The following CORIN variants were observed in gnomAD, a reference collection of about 807,000 sequenced individuals.
CORIN encodes the protein atrial natriuretic peptide-converting enzyme.
In CORIN, 117 loss-of-function variants were observed where a neutral mutation model predicts 125.3. The observed-to-expected ratio is 0.93, with a 90% CI of 0.80 to 1.09. The LOEUF is 1.09. Among genes scored for constraint, CORIN ranks in the 50% least tolerant of loss-of-function variants. The pLI is 0.00. For missense variants in CORIN, 1,253 were observed against 1,306.7 expected, an observed-to-expected ratio of 0.96 and a Z score of 0.63; for synonymous variants, 450 against 466.4, an observed-to-expected ratio of 0.96 and a Z score of 0.45.
chr4:47,809,606 C>G (rs1731970748), intron 1 of CORIN, among the ~76,000 whole-genome samples: 1 of 151,954 alleles, frequency 6.6e-6, no homozygotes. Flanking sequence ...CAGAGTTTCA[C>G]TATGTTGGCC....
chr4:47,750,134 T>G (rs1457655549), intron 4 of CORIN, among the ~76,000 whole-genome samples: 1 of 152,182 alleles, frequency 6.6e-6, no homozygotes, highest in Non-Finnish European at 1.5e-5. Flanking sequence ...GTTCTCCCTA[T>G]GATAAGCGAA....
intron 16 of CORIN, among the ~76,000 whole-genome samples, chr4:47,628,437 C>CGTGTGTGTGTGTGTGTGTGT (rs35452886): frequency 6.8e-6 from 1 of 147,388 alleles, no homozygotes; most frequent in Non-Finnish European, 1.5e-5. Flanking sequence ...CACATAGTTA[C>CGTGTGTGTGTGTGTGTGTGT]GTGTGTGTGT....
At chr4:47,600,528 G>C (rs781636011) in intron 20 of CORIN, among the ~76,000 whole-genome samples, 181 bp from the exon 21 acceptor site, 2 of 152,124 alleles carry the variant, frequency 1.3e-5, no homozygotes, top group Non-Finnish European at 2.9e-5. Flanking sequence ...GAATTTTCTA[G>C]TTAGAAGCAT....
At position 47,624,588 on chromosome 4, in the gene CORIN, A is replaced by T. The variant is rs1577749788; in HGVS notation, c.2316-640T>A. ...AATTTGCTTCATATAACTTTAGACG[A>T]CATGATCAGAACTAGTAGGTGCAAT... On this transcript the variant is annotated intron_variant, in intron 17 of 21. Transcript: ENST00000273857. 1.3e-5 allele frequency among the ~76,000 whole-genome samples: 2 copies of T among 152,210 alleles called. 1 individual carries two copies. The highest frequency in any genetic ancestry group is 4.1e-4 in the South Asian group (2 of 4,832).
At chr4:47,835,923 C>A (rs1331752322) in intron 1 of CORIN, among the ~76,000 whole-genome samples, 1 of 152,100 alleles carries the variant, frequency 6.6e-6, no homozygotes, top group Non-Finnish European at 1.5e-5. Flanking sequence ...GTCTTTTTAA[C>A]CCACAGGAAG....
intron 21 of CORIN, among the ~76,000 whole-genome samples, chr4:47,598,685 A>G (rs1312359445): frequency 1.3e-5 from 2 of 152,198 alleles, no homozygotes; most frequent in African/African-American, 2.4e-5. Flanking sequence ...TCCTCAGTCT[A>G]CCACCTTCAT....
intron 3 of CORIN, among the ~76,000 whole-genome samples, chr4:47,781,755 T>C (rs1285178831): frequency 1.3e-5 from 2 of 151,830 alleles, no homozygotes; most frequent in East Asian, 1.9e-4. Flanking sequence ...CTAGCCAACA[T>C]GGTGAAACCG....
Position 47,603,646 on chromosome 4 carries a change from T to C in CORIN, c.2563A>G (p.Lys855Glu). The change falls in exon 20 of 22, where the codon AAA becomes GAA. Residue 855 changes from lysine to glutamate, a missense_variant. Coordinates refer to ENST00000273857, the MANE Select transcript of CORIN (RefSeq NM_006587.4). ...AGATTGTTGATGCCAAGCACCACTTTCCAAACTGCAGCATTCTCTCTCCTA... is the reference window on the plus strand; with the variant it reads ...AGATTGTTGATGCCAAGCACCACTTCCCAAACTGCAGCATTCTCTCTCCTA... Reference protein sequence around the residue: ...FEGRENAAVWKVVLGINNLDH... With the variant: ...FEGRENAAVWEVVLGINNLDH... 7 of 1,613,860 alleles carry C rather than the reference T, an allele frequency of 4.3e-6. No homozygotes were observed. The highest frequency in any genetic ancestry group is 5.9e-6 in the Non-Finnish European group (7 of 1,179,728).
intron 3 of CORIN, among the ~76,000 whole-genome samples, chr4:47,767,424 G>T (rs1445771403): frequency 6.6e-6 from 1 of 151,956 alleles, no homozygotes; most frequent in Non-Finnish European, 1.5e-5. Flanking sequence ...TGAAAACTGA[G>T]AAAGCTGGTA....
At chr4:47,676,717 A>C (rs900845151) in intron 9 of CORIN, among the ~76,000 whole-genome samples, 1 of 152,224 alleles carries the variant, frequency 6.6e-6, no homozygotes, top group Admixed American at 6.5e-5. Context: ...CTGTTTTATC[A>C]TATGACTTTC....
intron 5 of CORIN, among the ~76,000 whole-genome samples, chr4:47,702,109 T>C (rs1333314689): frequency 1.3e-5 from 2 of 152,156 alleles, no homozygotes; most frequent in Non-Finnish European, 2.9e-5. Flanking sequence ...AATAAACACT[T>C]AGTTTCTTTA....
At chr4:47,810,318 A>T (rs1435234140) in intron 1 of CORIN, among the ~76,000 whole-genome samples, 4 of 151,828 alleles carry the variant, frequency 2.6e-5, no homozygotes, top group African/African-American at 9.7e-5. Context: ...CTTCTGAGTG[A>T]CTGGGACAAC....
At chr4:47,681,487 C>T (rs17601404) in intron 7 of CORIN, 19,117 of 152,160 alleles carry the variant, frequency 0.13, 1,346 homozygotes, top group East Asian at 0.21. Context: ...TGCATGCTGG[C>T]CCTCTCCACT....
At chr4:47,738,929 A>C (rs1324605360) in intron 5 of CORIN, among the ~76,000 whole-genome samples, 1 of 151,928 alleles carries the variant, frequency 6.6e-6, no homozygotes, top group East Asian at 1.9e-4. Context: ...TGAAATTAAA[A>C]ATTTACTAGA....
chr4:47,643,122 A>AGTT (rs1286592914), intron 15 of CORIN, 24 bp downstream of exon 15: 5 of 1,614,084 alleles, frequency 3.1e-6, no homozygotes, highest in Non-Finnish European at 4.2e-6. Flanking sequence ...AGAGTACAAC[A>AGTT]GATGGCAGAA....
chr4:47,724,401 T>G (rs149473804), intron 5 of CORIN, among the ~76,000 whole-genome samples: 4 of 151,982 alleles, frequency 2.6e-5, no homozygotes, highest in African/African-American at 7.2e-5. Context: ...TATCAAAAGG[T>G]CCAATATTGA....
intron 1 of CORIN, among the ~76,000 whole-genome samples, chr4:47,809,561 C>A (rs74724294): frequency 1.1e-3 from 167 of 152,028 alleles, no homozygotes; most frequent in African/African-American, 3.9e-3. Context: ...CACACCACCA[C>A]TCCCGGCTAA....
chr4:47,776,654 A>G (rs1377641871), intron 3 of CORIN, among the ~76,000 whole-genome samples: 1 of 152,176 alleles, frequency 6.6e-6, no homozygotes, highest in Non-Finnish European at 1.5e-5. Flanking sequence ...TTAAAACACA[A>G]TGGAGGAATT....
intron 6 of CORIN, among the ~76,000 whole-genome samples, chr4:47,685,090 A>G (rs1472618287): frequency 6.6e-6 from 1 of 152,194 alleles, no homozygotes; most frequent in Non-Finnish European, 1.5e-5. Context: ...TAATAATGCC[A>G]CCTTGGAAAA....
Sources: gnomAD v4.1 joint callset for allele counts (sites outside exome capture counted in the v4.1 genomes callset) on GRCh38, gnomAD v4.1.1 for gene constraint, MANE v1.5 for transcripts, NCBI Gene and HGNC (gene_info 2026-07-23, HGNC 2026-07-21) for gene names.